EYS: variants seen among roughly 807,000 people sequenced by gnomAD.
EYS encodes the protein protein eyes shut homolog.
In EYS, 250 loss-of-function variants were observed where a neutral mutation model predicts 282.1. The observed-to-expected ratio is 0.89, with a 90% CI of 0.80 to 0.98. EYS has a LOEUF of 0.98. EYS is among the 50% of genes least tolerant of loss of function. EYS has a pLI of 0.00. For missense variants in EYS, 4,016 were observed against 3,709.0 expected, an observed-to-expected ratio of 1.08 and a Z score of -2.15; for synonymous variants, 1,355 against 1,282.9, an observed-to-expected ratio of 1.06 and a Z score of -1.20.
At chr6:64,957,708 A>G (rs1769759030) in intron 14 of EYS, among the ~76,000 whole-genome samples, 1 of 152,200 alleles carries the variant, frequency 6.6e-6, no homozygotes, top group Admixed American at 6.5e-5. Context: ...TCTCATGCAT[A>G]CCATAAATAT....
chr6:65,469,200 T>G (rs1263053244), intron 5 of EYS, among the ~76,000 whole-genome samples: 2 of 152,056 alleles, frequency 1.3e-5, no homozygotes, highest in Non-Finnish European at 2.9e-5. Context: ...TATTTGCCAA[T>G]TCTAGCGACC....
At chr6:64,215,604 G>T (rs908681150) in intron 31 of EYS, among the ~76,000 whole-genome samples, 1 of 152,060 alleles carries the variant, frequency 6.6e-6, no homozygotes, top group African/African-American at 2.4e-5. Context: ...CAAGGTATTT[G>T]CCAAATATAC....
intron 33 of EYS, among the ~76,000 whole-genome samples, chr6:64,003,504 A>T (rs1178029329): frequency 6.6e-6 from 1 of 152,168 alleles, no homozygotes; most frequent in Non-Finnish European, 1.5e-5. Flanking sequence ...CCCCATTTAA[A>T]CTGATGTGAT....
intron 35 of EYS, among the ~76,000 whole-genome samples, chr6:63,964,252 C>G (rs1426005682): frequency 6.6e-6 from 1 of 152,150 alleles, no homozygotes; most frequent in African/African-American, 2.4e-5. Context: ...AAGTCAGCAG[C>G]TGAAGAAACC....
chr6:65,371,993 T>A (rs71534838), intron 8 of EYS, among the ~76,000 whole-genome samples: 11 of 93,228 alleles, frequency 1.2e-4, no homozygotes, highest in African/African-American at 2.4e-4. Context: ...AGGATAATTG[T>A]AAAAAAAAAA....
At chr6:64,173,276 G>A (rs1374499742) in intron 31 of EYS, among the ~76,000 whole-genome samples, 5 of 152,092 alleles carry the variant, frequency 3.3e-5, no homozygotes, top group Admixed American at 6.6e-5. Flanking sequence ...CAGGGGATAG[G>A]TTTAGGCCAA....
At chr6:65,164,426 C>T (rs576126423) in intron 12 of EYS, among the ~76,000 whole-genome samples, 1 of 150,970 alleles carries the variant, frequency 6.6e-6, no homozygotes, top group South Asian at 2.1e-4. Flanking sequence ...TATTTTTTTC[C>T]TTTCAGTTTC....
rs138992524 is a variant in EYS, at chr6:63,799,458, C to T, written c.7411+6732G>A. Reference sequence around the variant, plus strand: ...AGATCCTAACTTCTTCACTACAATCCGAATCAATCAATGCCTACACAGCAT... The same window carrying T: ...AGATCCTAACTTCTTCACTACAATCTGAATCAATCAATGCCTACACAGCAT... On this transcript the variant is annotated intron_variant, in intron 37 of 42. Coordinates refer to ENST00000503581, the MANE Select transcript of EYS (RefSeq NM_001142800.2). Among the ~76,000 whole-genome samples, 284 of 152,160 alleles carry T rather than the reference C, an allele frequency of 1.9e-3. 3 individuals are homozygous for T. The highest frequency in any genetic ancestry group is 1.6e-3 in the Non-Finnish European group (109 of 67,996).
intron 2 of EYS, among the ~76,000 whole-genome samples, chr6:65,538,574 A>T (rs1768046633): frequency 6.6e-6 from 1 of 152,146 alleles, no homozygotes; most frequent in African/African-American, 2.4e-5. Context: ...TATCTCCCAA[A>T]AAAAGTAGGT....
intron 29 of EYS, among the ~76,000 whole-genome samples, chr6:64,320,743 T>A (rs1455825683): frequency 2.0e-5 from 3 of 151,828 alleles, no homozygotes; most frequent in African/African-American, 7.2e-5. Context: ...TATTTAATCA[T>A]GTTTATTGAA....
At chr6:63,885,953 A>G (rs938655750) in intron 35 of EYS, among the ~76,000 whole-genome samples, 1 of 152,210 alleles carries the variant, frequency 6.6e-6, no homozygotes, top group South Asian at 2.1e-4. Context: ...TGAACAATAA[A>G]CGACTGACTG....
At chr6:65,342,329 C>G (rs987900703) in intron 10 of EYS, among the ~76,000 whole-genome samples, 5 of 150,956 alleles carry the variant, frequency 3.3e-5, no homozygotes, top group Admixed American at 2.0e-4. Flanking sequence ...ATTTTAATAA[C>G]AGATATAATT....
At chr6:64,816,856 T>C (rs1247140602) in intron 21 of EYS, among the ~76,000 whole-genome samples, 1 of 151,872 alleles carries the variant, frequency 6.6e-6, no homozygotes, top group African/African-American at 2.4e-5. Context: ...AGCAATAGAC[T>C]TAAAATATCT....
chr6:63,879,946 A>T (rs1219987763), intron 35 of EYS, among the ~76,000 whole-genome samples: 2 of 152,212 alleles, frequency 1.3e-5, no homozygotes, highest in African/African-American at 4.8e-5. Flanking sequence ...TGTTGTACTG[A>T]ACGTATTAAA....
At chr6:64,617,593 C>A in intron 23 of EYS, 60 bp from the exon 24 acceptor site, 1 of 903,106 alleles carries the variant, frequency 1.1e-6, no homozygotes, top group Non-Finnish European at 1.8e-6. Flanking sequence ...AACAGTTATG[C>A]TAATAGCCTA....
Position 65,540,174 on chromosome 6 carries a change from A to G in EYS, c.-332-44181T>C, listed in dbSNP as rs182867915. On this transcript the variant is annotated intron_variant, in intron 2 of 42. Transcript: ENST00000503581. ...GTTTAGATGGAAGTTTTCTGTCCCC[A>G]GCTCAATGCTTTCTCCATTAAGCCA... 9.3e-4 allele frequency among the ~76,000 whole-genome samples: 142 copies of G among 152,322 alleles called. 1 individual carries two copies. Among genetic ancestry groups the G allele is most frequent in the African/African-American group, 3.3e-3 (136 of 41,578 alleles).
At chr6:65,401,885 T>A (rs898153687) in intron 7 of EYS, among the ~76,000 whole-genome samples, 3 of 151,896 alleles carry the variant, frequency 2.0e-5, no homozygotes, top group African/African-American at 7.2e-5. Flanking sequence ...GTGAAGAGTA[T>A]AAATTGTATT....
intron 12 of EYS, among the ~76,000 whole-genome samples, chr6:65,169,476 T>C (rs1765053615): frequency 6.6e-6 from 1 of 151,526 alleles, no homozygotes; most frequent in Non-Finnish European, 1.5e-5. Context: ...ACATTTTAAT[T>C]AGAGATATCA....
At chr6:63,839,443 T>C (rs1165116892) in intron 36 of EYS, among the ~76,000 whole-genome samples, 1 of 152,234 alleles carries the variant, frequency 6.6e-6, no homozygotes, top group East Asian at 1.9e-4. Context: ...TGTATGACAT[T>C]TTCTTTATCC....
Sources: gnomAD v4.1 joint callset for allele counts (sites outside exome capture counted in the v4.1 genomes callset) on GRCh38, gnomAD v4.1.1 for gene constraint, MANE v1.5 for transcripts, NCBI Gene and HGNC (gene_info 2026-07-23, HGNC 2026-07-21) for gene names.